The following PCDH15 variants were observed in gnomAD, a reference collection of about 807,000 sequenced individuals.
PCDH15 encodes the protein protocadherin-15.
Under a neutral mutation model 178.5 loss-of-function variants are expected in PCDH15, and 129 were observed. The ratio of observed to expected loss-of-function variants is 0.72; its 90% CI spans 0.63 to 0.84. The LOEUF (loss-of-function observed/expected upper bound fraction) is 0.84. Ranked by LOEUF, PCDH15 falls within the 40% of genes least tolerant of loss-of-function variation. The probability of loss-of-function intolerance (pLI) is 0.00; values close to 1 mark genes in which losing one functional copy is unlikely to be tolerated. For missense variants in PCDH15, 2,230 were observed against 2,099.9 expected (o/e 1.06, Z -1.21); for synonymous variants, 800 against 732.0 (o/e 1.09, Z -1.50).
At chr10:53,824,491 A>C (rs2132532805) in intron 32 of PCDH15, among the ~76,000 whole-genome samples, 1 of 152,294 alleles carries the variant, frequency 6.6e-6, no homozygotes, top group Non-Finnish European at 1.5e-5. Flanking sequence ...CAAAATAATA[A>C]AGCCACAGTT....
intron 3 of PCDH15, among the ~76,000 whole-genome samples, chr10:54,829,711 C>T (rs1406229146): frequency 6.6e-6 from 1 of 151,986 alleles, no homozygotes; most frequent in Non-Finnish European, 1.5e-5. Context: ...TCCTAGTTGT[C>T]TAACTCAAAA....
intron 2 of PCDH15, among the ~76,000 whole-genome samples, chr10:55,538,865 CT>C (rs1473220489): frequency 4.5e-3 from 161 of 36,066 alleles, no homozygotes; most frequent in African/African-American, 8.1e-3. Context: ...TTCCTTCCTC[CT>C]TTCCTTCCTT....
chr10:55,090,995 GATC>G (rs1441541836), intron 2 of PCDH15, among the ~76,000 whole-genome samples: 2 of 151,828 alleles, frequency 1.3e-5, no homozygotes, highest in African/African-American at 4.8e-5. Context: ...CAATGTCTGA[GATC>G]ATCATAGATA....
chr10:53,871,589 T>C (rs939232887), intron 26 of PCDH15, among the ~76,000 whole-genome samples: 1 of 152,080 alleles, frequency 6.6e-6, no homozygotes, highest in East Asian at 1.9e-4. Flanking sequence ...ATTATGTTTA[T>C]CCATGAATAT....
At chr10:55,211,800 C>T (rs1384070031) in intron 1 of PCDH15, among the ~76,000 whole-genome samples, 3 of 152,128 alleles carry the variant, frequency 2.0e-5, no homozygotes, top group Non-Finnish European at 2.9e-5. Context: ...GGAAAACCTA[C>T]GTATATGTAA....
intron 3 of PCDH15, among the ~76,000 whole-genome samples, chr10:54,483,869 G>C (rs188664894): frequency 6.6e-6 from 1 of 151,810 alleles, no homozygotes; most frequent in South Asian, 2.1e-4. Flanking sequence ...TGAATGTTTT[G>C]ACAAATAAGG....
chr10:55,116,240 C>T (rs1288115588), intron 2 of PCDH15, among the ~76,000 whole-genome samples: 2 of 151,994 alleles, frequency 1.3e-5, no homozygotes, highest in Non-Finnish European at 1.5e-5. Context: ...TTTGATTTAA[C>T]AAAAAATCTT....
At chr10:53,965,263 T>C (rs187305406) in intron 21 of PCDH15, among the ~76,000 whole-genome samples, 1 of 152,212 alleles carries the variant, frequency 6.6e-6, no homozygotes, top group Non-Finnish European at 1.5e-5. Context: ...TTTCACTATG[T>C]TGGCCAGCCA....
chr10:55,304,928 G>A (rs1843381368), intron 1 of PCDH15, among the ~76,000 whole-genome samples: 1 of 152,080 alleles, frequency 6.6e-6, no homozygotes, highest in South Asian at 2.1e-4. Flanking sequence ...CATACTGATT[G>A]AACTATTTCC....
chr10:54,362,057 C>G (rs918497211), intron 5 of PCDH15, among the ~76,000 whole-genome samples: 1 of 152,158 alleles, frequency 6.6e-6, no homozygotes, highest in Middle Eastern at 3.4e-3. Context: ...CTGTGGGCAG[C>G]TATCTATAAG....
intron 3 of PCDH15, among the ~76,000 whole-genome samples, chr10:54,521,838 C>G (rs1171251259): frequency 6.6e-6 from 1 of 151,718 alleles, no homozygotes; most frequent in Admixed American, 6.6e-5. Context: ...GCCTGTAATC[C>G]CAGCACTTTG....
At chr10:53,824,222 A>T (rs2076518890) in intron 32 of PCDH15, among the ~76,000 whole-genome samples, 1 of 152,108 alleles carries the variant, frequency 6.6e-6, no homozygotes, top group Non-Finnish European at 1.5e-5. Context: ...GTTGTGAGTC[A>T]TAAATAAAGT....
intron 14 of PCDH15, among the ~76,000 whole-genome samples, chr10:54,144,363 A>G (rs12264998): frequency 0.015 from 2,344 of 152,172 alleles, 77 homozygotes; most frequent in African/African-American, 0.054. Flanking sequence ...ACTTTTGTGA[A>G]TTGTTTTCTG....
intron 2 of PCDH15, among the ~76,000 whole-genome samples, chr10:55,511,238 T>C (rs909993111): frequency 6.9e-5 from 10 of 145,816 alleles, no homozygotes; most frequent in African/African-American, 2.5e-4. Flanking sequence ...CAAAAGCCAC[T>C]TTGGAAAGAA....
chr10:55,008,367 A>G (rs1195031160), intron 2 of PCDH15, among the ~76,000 whole-genome samples: 1 of 152,280 alleles, frequency 6.6e-6, no homozygotes, highest in East Asian at 1.9e-4. Context: ...GACTCTTGAG[A>G]TCAGCTAGAT....
intron 3 of PCDH15, among the ~76,000 whole-genome samples, chr10:54,513,286 A>C (rs1275184029): frequency 6.9e-6 from 1 of 145,788 alleles, no homozygotes; most frequent in East Asian, 2.3e-4. Flanking sequence ...TATGAGACAC[A>C]GTCTCACTCT....
intron 2 of PCDH15, among the ~76,000 whole-genome samples, chr10:55,562,301 T>A (rs1398335664): frequency 1.3e-5 from 2 of 152,020 alleles, no homozygotes; most frequent in African/African-American, 4.8e-5. Flanking sequence ...TAAGATTAGC[T>A]ATTTTATACA....
intron 1 of PCDH15, among the ~76,000 whole-genome samples, chr10:55,270,172 C>T (rs1193844927): frequency 2.6e-5 from 4 of 152,078 alleles, no homozygotes; most frequent in African/African-American, 7.2e-5. Flanking sequence ...GCCTCAAATC[C>T]TATAACAACC....
At chr10:54,487,154 A>G (rs964467792) in intron 3 of PCDH15, among the ~76,000 whole-genome samples, 4 of 152,126 alleles carry the variant, frequency 2.6e-5, no homozygotes, top group African/African-American at 4.8e-5. Context: ...ATGGAATACT[A>G]TTCAGCCATA....
Sources: allele counts gnomAD v4.1 joint callset (sites outside exome capture counted in the v4.1 genomes callset), GRCh38; gene constraint gnomAD v4.1.1; transcripts MANE v1.5; gene names NCBI Gene and HGNC (gene_info 2026-07-23, HGNC 2026-07-21).